Variants in FER observed in about 807,000 individuals in gnomAD.
FER encodes FER tyrosine kinase.
FER carries 63 observed loss-of-function variants against 111.0 expected under a neutral mutation model. The ratio of observed to expected loss-of-function variants is 0.57; its 90% CI spans 0.46 to 0.70. The LOEUF (loss-of-function observed/expected upper bound fraction) is 0.70, where lower values mean the gene tolerates loss of function less well. Among genes scored for constraint, FER ranks in the 30% least tolerant of loss-of-function variants. The pLI is 0.00. For synonymous variants in FER, 327 were observed against 313.9 expected (o/e 1.04, Z -0.44); for missense variants, 914 against 954.0 (o/e 0.96, Z 0.55).
intron 16 of FER, among the ~76,000 whole-genome samples, chr5:109,082,138 AT>A (rs1217014810): frequency 1.3e-5 from 2 of 151,794 alleles, no homozygotes; most frequent in Admixed American, 1.3e-4. Flanking sequence ...TTTTTGTCTT[AT>A]TTTTTTCTAC....
intron 5 of FER, among the ~76,000 whole-genome samples, chr5:108,864,520 C>G (rs1323408207): frequency 1.3e-5 from 2 of 152,124 alleles, no homozygotes; most frequent in African/African-American, 4.8e-5. Context: ...CAGAAGGGAG[C>G]CTGCCGTCAA....
chr5:108,871,585 GAA>G, intron 7 of FER, 83 bp downstream of exon 7: 5 of 1,016,498 alleles, frequency 4.9e-6, no homozygotes, highest in South Asian at 2.4e-5. Context: ...ATAAAAATAA[GAA>G]ATACTTAAGA....
At chr5:109,116,646 A>C (rs1483346705) in intron 17 of FER, among the ~76,000 whole-genome samples, 1 of 152,038 alleles carries the variant, frequency 6.6e-6, no homozygotes, top group Non-Finnish European at 1.5e-5. Flanking sequence ...GCTTGTGCTG[A>C]TGTCATTGAT....
chr5:109,111,533 T>C (rs1749619500), intron 17 of FER, among the ~76,000 whole-genome samples: 1 of 151,904 alleles, frequency 6.6e-6, no homozygotes, highest in South Asian at 2.1e-4. Flanking sequence ...AACCTTATAA[T>C]AAAAAATTCT....
At chr5:109,162,954 C>T (rs1582329836) in intron 17 of FER, among the ~76,000 whole-genome samples, 1 of 151,996 alleles carries the variant, frequency 6.6e-6, no homozygotes. Context: ...TAATCATTAC[C>T]ACACTTCCAT....
intron 5 of FER, among the ~76,000 whole-genome samples, chr5:108,866,591 A>G (rs1173036721): frequency 6.6e-6 from 1 of 152,154 alleles, no homozygotes; most frequent in Non-Finnish European, 1.5e-5. Flanking sequence ...ATTAAAAAAA[A>G]AAAGAATCAG....
chr5:109,006,532 T>G (rs769254920), intron 13 of FER, among the ~76,000 whole-genome samples: 44 of 152,178 alleles, frequency 2.9e-4, no homozygotes, highest in Non-Finnish European at 5.7e-4. Context: ...AATTACCCAG[T>G]CTTTGGTAAG....
intron 16 of FER, chr5:109,052,559 C>G: frequency 1.6e-6 from 1 of 640,834 alleles, no homozygotes; most frequent in Non-Finnish European, 2.8e-6. Context: ...TTCAGGCACT[C>G]AGACCTGTCT....
intron 3 of FER, among the ~76,000 whole-genome samples, chr5:108,829,484 A>C (rs892800796): frequency 6.6e-6 from 1 of 152,094 alleles, no homozygotes; most frequent in African/African-American, 2.4e-5. Context: ...CTAAAAATCA[A>C]AATAATTAGC....
At chr5:108,808,053 T>A (rs867714393) in intron 3 of FER, among the ~76,000 whole-genome samples, 11 of 152,196 alleles carry the variant, frequency 7.2e-5, no homozygotes, top group African/African-American at 2.6e-4. Flanking sequence ...GTGGTTGATG[T>A]TAGATTATGT....
intron 3 of FER, among the ~76,000 whole-genome samples, chr5:108,826,629 T>C (rs917779677): frequency 6.6e-6 from 1 of 152,240 alleles, no homozygotes; most frequent in Non-Finnish European, 1.5e-5. Context: ...AATTTGGAAG[T>C]GTTCCCTCCT....
intron 1 of FER, among the ~76,000 whole-genome samples, chr5:108,764,035 A>G (rs1313120262): frequency 6.6e-6 from 1 of 152,128 alleles, no homozygotes; most frequent in African/African-American, 2.4e-5. Flanking sequence ...CTATTCCTAA[A>G]CTACTGCTTG....
At chr5:109,145,202 T>C (rs1753949239) in intron 17 of FER, among the ~76,000 whole-genome samples, 1 of 152,034 alleles carries the variant, frequency 6.6e-6, no homozygotes, top group Non-Finnish European at 1.5e-5. Flanking sequence ...ATGTTGCACA[T>C]GCATAAAGTC....
chr5:108,944,832 A>T (rs1008010903), intron 10 of FER, among the ~76,000 whole-genome samples: 3 of 120,454 alleles, frequency 2.5e-5, no homozygotes, highest in African/African-American at 9.3e-5. Context: ...CAACCTATCT[A>T]TAAAGAACCT....
intron 13 of FER, among the ~76,000 whole-genome samples, chr5:108,967,560 G>A (rs1760032534): frequency 6.6e-6 from 1 of 152,046 alleles, no homozygotes; most frequent in African/African-American, 2.4e-5. Flanking sequence ...TCAGGAGGTT[G>A]AGACCAGCTT....
Position 108,871,512 on chromosome 5 carries a change from G to A in FER, c.803+10G>A. 7 of 1,578,218 alleles carry A rather than the reference G, an allele frequency of 4.4e-6. No homozygotes were observed. The East Asian group carries it at 6.8e-5, about 15-fold the overall frequency. Reference sequence around the variant, plus strand: ...TCATAGATGTTCACAGGTATGACATGTTTATTCCTCTTTAAGGATTTATGA... The same window carrying A: ...TCATAGATGTTCACAGGTATGACATATTTATTCCTCTTTAAGGATTTATGA... On this transcript the variant is annotated intron_variant, in intron 7 of 19. Transcript: ENST00000281092.
chr5:109,017,019 A>G (rs1767235169), intron 13 of FER, among the ~76,000 whole-genome samples: 1 of 152,054 alleles, frequency 6.6e-6, no homozygotes, highest in South Asian at 2.1e-4. Flanking sequence ...CCCTCAGCAG[A>G]TTCTGTTGTT....
At chr5:109,122,303 T>C (rs1451194015) in intron 17 of FER, among the ~76,000 whole-genome samples, 1 of 152,202 alleles carries the variant, frequency 6.6e-6, no homozygotes, top group African/African-American at 2.4e-5. Context: ...TTTTTTAATT[T>C]CCTTCTTAAT....
rs565610222 is a variant in FER at position 108,791,037 on chromosome 5, T to C, written c.-59-7087T>C. Among the ~76,000 whole-genome samples, 5 of 152,370 alleles carry C rather than the reference T, an allele frequency of 3.3e-5. No homozygotes were observed. In the South Asian group the frequency reaches 8.3e-4, roughly 25 times the overall value. Reference sequence around the variant, plus strand: ...TGGATGTTGTCCCATTTTATTTATCTGTTCACCTGTTGATGGATATTTGGG... The same window carrying C: ...TGGATGTTGTCCCATTTTATTTATCCGTTCACCTGTTGATGGATATTTGGG... On this transcript the variant is annotated intron_variant, in intron 2 of 19. Transcript: ENST00000281092.
Sources: gnomAD v4.1 joint callset for allele counts (sites outside exome capture counted in the v4.1 genomes callset) on GRCh38, gnomAD v4.1.1 for gene constraint, MANE v1.5 for transcripts, NCBI Gene and HGNC (gene_info 2026-07-23, HGNC 2026-07-21) for gene names.